CETN3: variants seen among roughly 807,000 people sequenced by gnomAD.
CETN3 encodes centrin 3, also known as centrin-3.
In CETN3, 17 loss-of-function variants were observed where a neutral mutation model predicts 20.1. The observed-to-expected ratio is 0.85, with a 90% CI of 0.58 to 1.27. The LOEUF (loss-of-function observed/expected upper bound fraction) is 1.27, where lower values mean the gene tolerates loss of function less well. CETN3 is among the 50% of genes most tolerant of loss of function. The pLI is 0.00. For synonymous variants in CETN3, 52 were observed against 59.7 expected (o/e 0.87, Z 0.59); for missense variants, 169 against 191.2 (o/e 0.88, Z 0.69).
chr5:90,399,589 A>G, intron 3 of CETN3, 40 bp from the exon 4 acceptor site: 2 of 1,469,344 alleles, frequency 1.4e-6, no homozygotes, highest in Non-Finnish European at 1.9e-6. Context: ...AAACCTGCAT[A>G]ATCACAAAGG....
At chr5:90,409,088 G>A (rs748673436) in intron 1 of CETN3, among the ~76,000 whole-genome samples, 1 of 152,136 alleles carries the variant, frequency 6.6e-6, no homozygotes, top group Non-Finnish European at 1.5e-5. Context: ...GCAACAGAGG[G>A]TTAGAGGTTA....
intron 4 of CETN3, among the ~76,000 whole-genome samples, chr5:90,396,733 T>C (rs1749145286): frequency 6.6e-6 from 1 of 152,118 alleles, no homozygotes; most frequent in African/African-American, 2.4e-5. Flanking sequence ...AAACTGCAAA[T>C]TTTAAGTTTC....
chr5:90,404,833 T>C (rs1376282521), intron 3 of CETN3, among the ~76,000 whole-genome samples: 2 of 151,002 alleles, frequency 1.3e-5, no homozygotes, highest in South Asian at 2.1e-4. Context: ...AAAATACTTA[T>C]ATGATGTGCT....
intron 3 of CETN3, 62 bp downstream of exon 3, chr5:90,405,623 A>G: frequency 9.5e-7 from 1 of 1,055,464 alleles, no homozygotes; most frequent in Non-Finnish European, 1.5e-6. Flanking sequence ...AAATTTAAAA[A>G]GTGATATTAA....
At chr5:90,408,414 T>C (rs1303585890) in intron 1 of CETN3, among the ~76,000 whole-genome samples, 4 of 152,238 alleles carry the variant, frequency 2.6e-5, no homozygotes, top group Non-Finnish European at 5.9e-5. Context: ...TATGTGTCAT[T>C]TCCTCCATTG....
At position 90,395,431 on chromosome 5, in the gene CETN3, T is replaced by G. The variant is rs182554114; in HGVS notation, c.461-1324A>C. On this transcript the variant is annotated intron_variant, in intron 4 of 4. Coordinates refer to ENST00000283122, the MANE Select transcript of CETN3 (RefSeq NM_004365.4). ...TATGCTAAAATATTAAAGGATCAAG[T>G]TTTTGTTTTATTATTAAAATTTAAT... Among the ~76,000 whole-genome samples the G allele has an allele frequency of 2.0e-3, 309 of 152,170 alleles. 10 individuals are homozygous for G. Among genetic ancestry groups the G allele is most frequent in the Admixed American group, 0.02 (301 of 15,294 alleles).
rs1749570438 is a variant in CETN3, at chr5:90,409,593, C to T, written c.17+52G>A. On this transcript the variant is annotated intron_variant, in intron 1 of 4. Coordinates refer to ENST00000283122, the MANE Select transcript of CETN3 (RefSeq NM_004365.4). ...CGTCCTCCCTTCCACACACACCCTC[C>T]CTGGGCCCCGCTCCGGGGTGTGGAG... is the stretch of plus-strand genomic sequence containing the variant. The T allele has an allele frequency of 1.9e-6, 3 of 1,610,142 alleles. No individual in the cohort carries two copies. In the East Asian group the frequency reaches 6.7e-5, roughly 36 times the overall value.
At chr5:90,399,155 A>G (rs1749213723) in intron 4 of CETN3, 1 of 600,990 alleles carries the variant, frequency 1.7e-6, no homozygotes, top group Non-Finnish European at 2.9e-6. Flanking sequence ...CTTCAGAGAA[A>G]AGTGAAGGAC....
At chr5:90,404,478 G>T (rs1416051854) in intron 3 of CETN3, among the ~76,000 whole-genome samples, 1 of 152,166 alleles carries the variant, frequency 6.6e-6, no homozygotes, top group Non-Finnish European at 1.5e-5. Context: ...AACAAAAGGT[G>T]GCTCTCTCCC....
chr5:90,408,802 A>T (rs1240103745), intron 1 of CETN3, among the ~76,000 whole-genome samples: 3 of 139,190 alleles, frequency 2.2e-5, no homozygotes, highest in African/African-American at 7.6e-5. Flanking sequence ...GAAAGCTCCA[A>T]AAAAAAAAAA....
chr5:90,397,922 A>C (rs1336781659), intron 4 of CETN3, among the ~76,000 whole-genome samples: 2 of 152,172 alleles, frequency 1.3e-5, no homozygotes, highest in East Asian at 3.8e-4. Context: ...ATTAATGCTA[A>C]TATCCAATAT....
intron 3 of CETN3, among the ~76,000 whole-genome samples, chr5:90,401,216 T>C (rs1018338287): frequency 5.3e-5 from 8 of 152,300 alleles, no homozygotes; most frequent in Admixed American, 4.6e-4. Flanking sequence ...TTCCTTAAAA[T>C]GCAGCTTTTC....
At position 90,409,682 on chromosome 5, in the gene CETN3, T is replaced by C; in HGVS notation, c.-21A>G. ...CTCATTATCTCTTCGCACAGAGACG[T>C]TCCTCTCAAGAACGATTTTAACCCC... On this transcript the variant is annotated 5_prime_UTR_variant, in exon 1 of 5. Transcript: ENST00000283122. 1 of 1,614,048 alleles carries C rather than the reference T, an allele frequency of 6.2e-7. No individual in the cohort carries two copies. Among genetic ancestry groups the C allele is most frequent in the Non-Finnish European group, 8.5e-7 (1 of 1,179,978 alleles).
In CETN3 at chr5:90,399,547, T is replaced by C; in HGVS notation, c.271A>G (p.Thr91Ala). The change falls in exon 4 of 5, where the codon ACA (threonine) becomes GCA (alanine). Residue 91 changes from threonine (T) to alanine (A), a missense_variant and splice_region_variant. Physicochemically the swap from Thr to Ala is moderately conservative, Grantham distance 58 (BLOSUM62 0). Transcript: ENST00000283122. ...ITFEDFNEVV[T>A]DWILERDPHE... ...GGATCTCTTTCCAATATCCAGTCTGTCACTACAGTTTAAAAACATATATAT... is the reference window on the plus strand; with the variant it reads ...GGATCTCTTTCCAATATCCAGTCTGCCACTACAGTTTAAAAACATATATAT... 1 of 1,608,368 alleles carries C rather than the reference T, an allele frequency of 6.2e-7. No homozygotes were observed. The highest frequency in any genetic ancestry group is 8.5e-7 in the Non-Finnish European group (1 of 1,175,728).
Position 90,396,545 on chromosome 5 carries a change from C to T in CETN3, c.461-2438G>A, listed in dbSNP as rs921719700. 58 of 1,533,004 alleles carry T rather than the reference C, an allele frequency of 3.8e-5. 1 individual carries two copies. In the Admixed American group the frequency reaches 5.3e-4, roughly 14 times the overall value. 95.0% of individuals were successfully genotyped at this position (1,533,004 alleles called of 1,614,324 possible). ...TGAGGCATCTAGACCAAATAGGAAG[C>T]AAGAGTATGTTCTTAAGAACTGTAT... is the stretch of plus-strand genomic sequence containing the variant. On this transcript the variant is annotated intron_variant, in intron 4 of 4. Transcript: ENST00000283122.
At chr5:90,395,876 A>C in intron 4 of CETN3, 1 of 899,482 alleles carries the variant, frequency 1.1e-6, no homozygotes, top group Non-Finnish European at 1.3e-6. Context: ...GAATGAAAAG[A>C]ATATATACTG....
At chr5:90,396,438 C>T in intron 4 of CETN3, 2 of 1,502,916 alleles carry the variant, frequency 1.3e-6, no homozygotes, top group Non-Finnish European at 1.8e-6. Flanking sequence ...CTCTCTCTTT[C>T]CAATAAATAC....
At chr5:90,399,619 C>T in intron 3 of CETN3, 70 bp from the exon 4 acceptor site, 1 of 1,215,072 alleles carries the variant, frequency 8.2e-7, no homozygotes, top group Non-Finnish European at 1.2e-6. Flanking sequence ...GTGAAATCAA[C>T]TAAATATTAG....
At chr5:90,397,310 C>T (rs1580160459) in intron 4 of CETN3, among the ~76,000 whole-genome samples, 2 of 152,052 alleles carry the variant, frequency 1.3e-5, no homozygotes. Flanking sequence ...TCTCTATTAA[C>T]AATATCTTAT....
Sources: gnomAD v4.1 joint callset for allele counts (sites outside exome capture counted in the v4.1 genomes callset) on GRCh38, gnomAD v4.1.1 for gene constraint, MANE v1.5 for transcripts, NCBI Gene and HGNC (gene_info 2026-07-23, HGNC 2026-07-21) for gene names.